CDC42BPA: variants seen among roughly 807,000 people sequenced by gnomAD.
CDC42BPA encodes the protein CDC42 binding protein kinase alpha.
A neutral mutation model predicts 223.5 loss-of-function variants in CDC42BPA; 80 were observed. That is an observed-to-expected ratio of 0.36 (90% CI 0.30 to 0.43). The LOEUF is 0.43. Ranked by LOEUF, CDC42BPA falls within the 20% of genes least tolerant of loss-of-function variation. The pLI is 1.00. For missense variants in CDC42BPA, 1,743 were observed against 2,099.9 expected, an observed-to-expected ratio of 0.83 and a Z score of 3.32; for synonymous variants, 694 against 718.6, an observed-to-expected ratio of 0.97 and a Z score of 0.55.
chr1:227,288,695 C>T (rs1572881163), intron 1 of CDC42BPA, among the ~76,000 whole-genome samples: 1 of 149,370 alleles, frequency 6.7e-6, no homozygotes, highest in Admixed American at 6.7e-5. Flanking sequence ...GACTCGGTCT[C>T]AAAAAAAAAA....
intron 6 of CDC42BPA, among the ~76,000 whole-genome samples, chr1:227,148,359 T>C (rs1355337083): frequency 2.0e-5 from 3 of 152,098 alleles, no homozygotes; most frequent in Non-Finnish European, 4.4e-5. Context: ...GTAAGGTACT[T>C]TGAAGTAAAA....
At chr1:227,229,755 A>C (rs1677484820) in intron 2 of CDC42BPA, among the ~76,000 whole-genome samples, 1 of 152,132 alleles carries the variant, frequency 6.6e-6, no homozygotes. Context: ...TTCTTCTTTC[A>C]GTAGTTTTAA....
Position 227,101,090 on chromosome 1 carries a change from AT to A in CDC42BPA, c.2150del (p.Asn717IlefsTer21). 6.4e-7 allele frequency: 1 copy of A among 1,570,516 alleles called. No homozygotes were observed. The highest frequency in any genetic ancestry group is 8.8e-7 in the Non-Finnish European group (1 of 1,141,158). On this transcript the variant is annotated frameshift_variant, in exon 15 of 37. Coordinates refer to ENST00000366766, the MANE Select transcript of CDC42BPA (RefSeq NM_001394014.1). LOFTEE classifies it high-confidence loss of function. ...REGIHANEIK[N>X]LKKELHDSEG... ...CTGAATCATGCAGTTCTTTCTTAAGATTTTTTATTTCATTTGCATGTATTCC... is the reference window on the plus strand; with the variant it reads ...CTGAATCATGCAGTTCTTTCTTAAGATTTTTATTTCATTTGCATGTATTCC...
At chr1:227,223,745 A>ATT (rs201229295) in intron 2 of CDC42BPA, among the ~76,000 whole-genome samples, 1 of 152,172 alleles carries the variant, frequency 6.6e-6, no homozygotes, top group Non-Finnish European at 1.5e-5. Context: ...TCAACTGATG[A>ATT]TTTTTCAATT....
chr1:227,231,227 T>C (rs12028820), intron 2 of CDC42BPA, among the ~76,000 whole-genome samples: 77,605 of 148,654 alleles, frequency 0.52, 20,164 homozygotes, highest in South Asian at 0.62. Context: ...TGAGTGAGAA[T>C]ATGCGGTGTT....
intron 17 of CDC42BPA, among the ~76,000 whole-genome samples, chr1:227,079,104 G>GT (rs372369145): frequency 1.3e-3 from 201 of 152,214 alleles, no homozygotes; most frequent in African/African-American, 4.3e-3. Flanking sequence ...CTTTGAAGTG[G>GT]TAAGAAAGTT....
intron 26 of CDC42BPA, among the ~76,000 whole-genome samples, chr1:227,034,065 G>A (rs932551512): frequency 2.6e-5 from 4 of 152,136 alleles, no homozygotes; most frequent in African/African-American, 9.7e-5. Flanking sequence ...TAGAAATTCC[G>A]GTTTTGAGCA....
chr1:227,063,636 G>C (rs1285658091), intron 21 of CDC42BPA, among the ~76,000 whole-genome samples: 1 of 152,146 alleles, frequency 6.6e-6, no homozygotes, highest in Non-Finnish European at 1.5e-5. Flanking sequence ...AGGTAGGGTT[G>C]TGGTGAATAT....
chr1:227,180,998 T>C (rs1332831195), intron 5 of CDC42BPA, among the ~76,000 whole-genome samples: 2 of 151,930 alleles, frequency 1.3e-5, no homozygotes, highest in Non-Finnish European at 2.9e-5. Flanking sequence ...ACATACCACA[T>C]GATGCTGTTA....
chr1:227,073,812 A>G, intron 19 of CDC42BPA, 52 bp downstream of exon 19: 1 of 1,385,812 alleles, frequency 7.2e-7, no homozygotes, highest in Non-Finnish European at 9.7e-7. Context: ...TCTCCAAATA[A>G]TTATGACAAA....
intron 2 of CDC42BPA, among the ~76,000 whole-genome samples, chr1:227,231,533 T>G (rs1304726892): frequency 6.6e-6 from 1 of 152,120 alleles, no homozygotes; most frequent in East Asian, 1.9e-4. Context: ...GTATTTCTAG[T>G]TCTAGATACC....
intron 35 of CDC42BPA, among the ~76,000 whole-genome samples, chr1:226,998,529 A>G (rs1037444556): frequency 6.6e-6 from 1 of 152,254 alleles, no homozygotes; most frequent in African/African-American, 2.4e-5. Context: ...AACCTGACAA[A>G]AACAAGCAAC....
chr1:227,210,358 GTAA>G (rs1359123843), intron 3 of CDC42BPA, among the ~76,000 whole-genome samples: 1 of 152,064 alleles, frequency 6.6e-6, no homozygotes, highest in Admixed American at 6.6e-5. Flanking sequence ...GTCTTATACC[GTAA>G]GGTCCTGAGG....
At chr1:227,042,342 C>A (rs1291308436) in intron 23 of CDC42BPA, among the ~76,000 whole-genome samples, 2 of 148,454 alleles carry the variant, frequency 1.3e-5, no homozygotes, top group African/African-American at 5.2e-5. Context: ...AGCAAGAGAT[C>A]TATTCAGGAT....
chr1:227,114,984 TCAA>T (rs1045425931), intron 12 of CDC42BPA, among the ~76,000 whole-genome samples: 2 of 151,996 alleles, frequency 1.3e-5, no homozygotes, highest in Admixed American at 6.6e-5. Flanking sequence ...AACTAAAATG[TCAA>T]CAACAACAAC....
chr1:227,120,015 T>G (rs1256370030), intron 11 of CDC42BPA, 78 bp from the exon 12 acceptor site: 1 of 1,219,688 alleles, frequency 8.2e-7, no homozygotes, highest in Non-Finnish European at 1.1e-6. Context: ...CAACTAAAAT[T>G]TTTTTTAAAA....
At chr1:227,236,274 AG>A (rs762970801) in intron 2 of CDC42BPA, among the ~76,000 whole-genome samples, 22 of 152,232 alleles carry the variant, frequency 1.4e-4, no homozygotes, top group Non-Finnish European at 2.4e-4. Flanking sequence ...GGGAGAAACC[AG>A]CTTTTGCTGT....
chr1:227,277,545 A>T (rs12138664), intron 1 of CDC42BPA, among the ~76,000 whole-genome samples: 1 of 152,176 alleles, frequency 6.6e-6, no homozygotes, highest in South Asian at 2.1e-4. Flanking sequence ...GTTATCCATC[A>T]CAATCAAGAT....
At chr1:227,293,772 T>C (rs1036398685) in intron 1 of CDC42BPA, among the ~76,000 whole-genome samples, 5 of 151,686 alleles carry the variant, frequency 3.3e-5, no homozygotes, top group Non-Finnish European at 7.4e-5. Flanking sequence ...GATGGCGCCA[T>C]TGCACTCCAG....
Sources: allele counts gnomAD v4.1 joint callset (sites outside exome capture counted in the v4.1 genomes callset), GRCh38; gene constraint gnomAD v4.1.1; transcripts MANE v1.5; gene names NCBI Gene and HGNC (gene_info 2026-07-23, HGNC 2026-07-21).